FAM83B: variants seen among roughly 807,000 people sequenced by gnomAD.
The protein encoded by FAM83B is protein FAM83B.
FAM83B carries 26 observed loss-of-function variants against 38.8 expected under a neutral mutation model. The ratio of observed to expected loss-of-function variants is 0.67; its 90% confidence interval spans 0.49 to 0.93. The LOEUF (loss-of-function observed/expected upper bound fraction) is 0.93, where lower values mean the gene tolerates loss of function less well. FAM83B is among the 40% of genes least tolerant of loss of function. FAM83B has a pLI of 0.00. For synonymous variants in FAM83B, 419 were observed against 423.1 expected (o/e 0.99, Z 0.12); for missense variants, 1,237 against 1,197.3 (o/e 1.03, Z -0.49).
chr6:54,880,441 C>CTTTTTTT (rs1180941250), intron 2 of FAM83B, among the ~76,000 whole-genome samples: 40 of 106,216 alleles, frequency 3.8e-4, no homozygotes, highest in Non-Finnish European at 4.7e-4. Context: ...TAGAAGGTTT[C>CTTTTTTT]TTTTTTTTTT....
Position 54,941,555 on chromosome 6 carries a change from G to A in FAM83B, c.2584G>A (p.Asp862Asn), listed in dbSNP as rs377235610. The change falls in exon 5 of 5, where the codon GAT becomes AAT. Residue 862 changes from aspartate to asparagine, a missense_variant. Transcript: ENST00000306858. ...SPSQEINAPP[D>N]ENKRTPSPGP... is the part of the protein sequence containing the mutation. Reference sequence around the variant, plus strand: ...ATCTCAAGAGATAAATGCTCCACCAGATGAAAATAAAAGAACACCTTCTCC... The same window carrying A: ...ATCTCAAGAGATAAATGCTCCACCAAATGAAAATAAAAGAACACCTTCTCC... 3.7e-6 allele frequency: 6 copies of A among 1,613,920 alleles called. No homozygotes were observed. In the African/African-American group the frequency reaches 6.7e-5, roughly 18 times the overall value.
At chr6:54,859,309 C>T (rs889541376) in intron 1 of FAM83B, among the ~76,000 whole-genome samples, 1 of 152,158 alleles carries the variant, frequency 6.6e-6, no homozygotes, top group Admixed American at 6.5e-5. Context: ...ATCTGCACAC[C>T]TTGGCCTCCC....
chr6:54,909,356 A>G (rs1772851900), intron 2 of FAM83B, among the ~76,000 whole-genome samples: 1 of 152,168 alleles, frequency 6.6e-6, no homozygotes, highest in Admixed American at 6.5e-5. Flanking sequence ...TAGATTCCAG[A>G]TGAAAACTAT....
chr6:54,912,882 A>G (rs1404696146), intron 2 of FAM83B, among the ~76,000 whole-genome samples: 2 of 152,066 alleles, frequency 1.3e-5, no homozygotes, highest in African/African-American at 4.8e-5. Context: ...TGAAATAAAC[A>G]GGAGATTAGG....
At chr6:54,870,090 A>C in intron 1 of FAM83B, 97 bp from the exon 2 acceptor site, 1 of 598,180 alleles carries the variant, frequency 1.7e-6, no homozygotes, top group Non-Finnish European at 2.9e-6. Flanking sequence ...CTGGTAATGG[A>C]AATGTGTAAA....
chr6:54,864,212 C>T (rs1771650581), intron 1 of FAM83B, among the ~76,000 whole-genome samples: 2 of 152,048 alleles, frequency 1.3e-5, no homozygotes, highest in Non-Finnish European at 1.5e-5. Flanking sequence ...AGGCAAATAG[C>T]AGCCAGTACA....
chr6:54,930,363 A>G (rs529591088), intron 4 of FAM83B, among the ~76,000 whole-genome samples: 1 of 152,238 alleles, frequency 6.6e-6, no homozygotes, highest in South Asian at 2.1e-4. Flanking sequence ...ACAACCAACC[A>G]TCTATGACAT....
At chr6:54,890,244 A>G (rs1772370466) in intron 2 of FAM83B, among the ~76,000 whole-genome samples, 1 of 151,776 alleles carries the variant, frequency 6.6e-6, no homozygotes, top group South Asian at 2.1e-4. Flanking sequence ...AAGTACACCA[A>G]CCTTTTGCTA....
chr6:54,855,169 A>T (rs901680548), intron 1 of FAM83B, among the ~76,000 whole-genome samples: 1 of 152,248 alleles, frequency 6.6e-6, no homozygotes, highest in African/African-American at 2.4e-5. Context: ...TTGAAACTGC[A>T]TATTGACATG....
chr6:54,943,009 T>C lies in FAM83B; in HGVS notation c.*1002T>C, dbSNP rs1177622568. On this transcript the variant is annotated 3_prime_UTR_variant, in exon 5 of 5. Transcript: ENST00000306858. The stretch of plus-strand genomic sequence containing the variant: ...CCTCTGCCTCCCAAGTTCAAACGAT[T>C]CTCCTGCCTCAGCCTCCTGAGTAGC... Among the ~76,000 whole-genome samples, 1 of 151,904 alleles carries C rather than the reference T, an allele frequency of 6.6e-6. No homozygotes were observed. The highest frequency in any genetic ancestry group is 1.5e-5 in the Non-Finnish European group (1 of 67,974).
rs1581878865 is a variant in FAM83B at position 54,855,001 on chromosome 6, T to C, written c.-61+8175T>C. Among the ~76,000 whole-genome samples, 3 of 152,322 alleles carry C rather than the reference T, an allele frequency of 2.0e-5. No individual in the cohort carries two copies. The East Asian group carries it at 5.8e-4, about 29-fold the overall frequency. ...GCTTCTCTTGGCATGTACAGTGAAG[T>C]TCATCTTTGCTTTAATTGTATCCAA... On this transcript the variant is annotated intron_variant, in intron 1 of 4. Transcript: ENST00000306858.
intron 1 of FAM83B, among the ~76,000 whole-genome samples, chr6:54,862,214 T>C (rs1242756847): frequency 9.2e-5 from 14 of 152,178 alleles, no homozygotes; most frequent in African/African-American, 3.4e-4. Flanking sequence ...TAGTGGCTAA[T>C]GGGAACCTGG....
intron 1 of FAM83B, among the ~76,000 whole-genome samples, chr6:54,857,108 C>T (rs1771463219): frequency 6.6e-6 from 1 of 152,138 alleles, no homozygotes; most frequent in South Asian, 2.1e-4. Flanking sequence ...AAACAAAATA[C>T]ATTTTCTTAA....
intron 2 of FAM83B, among the ~76,000 whole-genome samples, chr6:54,907,316 A>G (rs1448711274): frequency 1.3e-5 from 2 of 152,186 alleles, no homozygotes; most frequent in Admixed American, 6.5e-5. Context: ...TGTTTTATTT[A>G]CATATCTCAA....
intron 1 of FAM83B, among the ~76,000 whole-genome samples, chr6:54,857,421 A>G (rs921997097): frequency 6.6e-6 from 1 of 152,168 alleles, no homozygotes; most frequent in African/African-American, 2.4e-5. Context: ...TCTGAAACTG[A>G]GGTTGAACGA....
intron 2 of FAM83B, among the ~76,000 whole-genome samples, chr6:54,899,223 C>T (rs74459200): frequency 6.6e-6 from 1 of 151,960 alleles, no homozygotes; most frequent in African/African-American, 2.4e-5. Context: ...ATTGAAAAGG[C>T]TCTATTATTT....
chr6:54,880,753 T>G (rs886982754), intron 2 of FAM83B, among the ~76,000 whole-genome samples: 1 of 152,168 alleles, frequency 6.6e-6, no homozygotes, highest in Non-Finnish European at 1.5e-5. Context: ...GAAGGTTTAT[T>G]TTTTATTATT....
At chr6:54,859,053 G>A (rs563448981) in intron 1 of FAM83B, among the ~76,000 whole-genome samples, 7 of 145,606 alleles carry the variant, frequency 4.8e-5, no homozygotes, top group South Asian at 2.2e-4. Context: ...CCCCGACACC[G>A]TGCCCACCCC....
chr6:54,919,369 A>C (rs1399374442), intron 2 of FAM83B, among the ~76,000 whole-genome samples: 3 of 152,152 alleles, frequency 2.0e-5, no homozygotes, highest in Non-Finnish European at 4.4e-5. Context: ...TAATGTGGAA[A>C]ATAATGTATG....
Sources: gnomAD v4.1 joint callset for allele counts (sites outside exome capture counted in the v4.1 genomes callset) on GRCh38, gnomAD v4.1.1 for gene constraint, MANE v1.5 for transcripts, NCBI Gene and HGNC (gene_info 2026-07-23, HGNC 2026-07-21) for gene names.